Variants in NUP205 observed in about 807,000 individuals in gnomAD.
NUP205 encodes the protein nuclear pore complex protein Nup205.
In NUP205, 76 loss-of-function variants were observed where a neutral mutation model predicts 253.8. The ratio of observed to expected loss-of-function variants is 0.30; its 90% CI spans 0.25 to 0.36. NUP205 has a LOEUF of 0.36. NUP205 is among the 10% of genes least tolerant of loss of function. The probability of loss-of-function intolerance (pLI) is 1.00; values close to 1 mark genes in which losing one functional copy is unlikely to be tolerated. For missense variants in NUP205, 2,162 were observed against 2,425.5 expected (o/e 0.89, Z 2.28); for synonymous variants, 832 against 850.1 (o/e 0.98, Z 0.37).
At chr7:135,646,792 A>G (rs947431479) in intron 42 of NUP205, among the ~76,000 whole-genome samples, 1 of 152,214 alleles carries the variant, frequency 6.6e-6, no homozygotes, top group African/African-American at 2.4e-5. Flanking sequence ...AAGAAATAGG[A>G]GGATTCAACC....
At chr7:135,595,128 A>G (rs1291668660) in intron 13 of NUP205, among the ~76,000 whole-genome samples, 1 of 152,112 alleles carries the variant, frequency 6.6e-6, no homozygotes, top group African/African-American at 2.4e-5. Flanking sequence ...GCCCTATACC[A>G]GAAGAGTGAA....
At chr7:135,570,252 C>A (rs955470965) in intron 1 of NUP205, among the ~76,000 whole-genome samples, 3 of 151,492 alleles carry the variant, frequency 2.0e-5, no homozygotes, top group African/African-American at 7.3e-5. Context: ...TTGATCCTGT[C>A]GGCCAGGCTA....
intron 24 of NUP205, 32 bp downstream of exon 24, chr7:135,616,097 T>C (rs746602342): frequency 1.3e-6 from 2 of 1,589,172 alleles, no homozygotes; most frequent in South Asian, 2.3e-5. Flanking sequence ...ATTGTGCTGG[T>C]GACTAGTTGT....
chr7:135,619,286 G>T, intron 28 of NUP205, 137 bp from the exon 29 acceptor site: 1 of 875,524 alleles, frequency 1.1e-6, no homozygotes, highest in East Asian at 2.4e-5. Flanking sequence ...AGGCTGAAGT[G>T]AGCTGAGATT....
intron 41 of NUP205, 67 bp from the exon 42 acceptor site, chr7:135,646,091 A>G (rs2129492715): frequency 3.1e-6 from 3 of 956,438 alleles, no homozygotes; most frequent in South Asian, 2.6e-5. Flanking sequence ...CATTGTCATC[A>G]GGTTCCTCCA....
At chr7:135,616,195 TA>T (rs1264579652) in intron 24 of NUP205, 130 bp downstream of exon 24, 1 of 768,490 alleles carries the variant, frequency 1.3e-6, no homozygotes, top group East Asian at 2.9e-5. Context: ...TTTTTTTTCT[TA>T]AAACACAAAA....
In NUP205 at chr7:135,598,086, C is replaced by T; in HGVS notation, c.2153C>T (p.Ser718Leu). Residue 718 changes from serine to leucine, a missense_variant, in exon 15 of 43, where the codon TCA becomes TTA. By Grantham distance (145) the Ser-to-Leu change is moderately radical. This residue lies in a region of NUP205 where 892 missense variants were observed against 957.1 expected (regional missense o/e 0.93). Coordinates refer to ENST00000285968, the MANE Select transcript of NUP205 (RefSeq NM_015135.3). ...CQLISTLVES[S>L]FPSNLGAGLR... ...CTTATTAGTACTCTGGTGGAGAGCT[C>T]ATTTCCTTCTAATTTGGGTGCTGGA... is the stretch of plus-strand genomic sequence containing the variant. The T allele has an allele frequency of 6.2e-7, 1 of 1,614,078 alleles. No homozygotes were observed. The highest frequency in any genetic ancestry group is 8.5e-7 in the Non-Finnish European group (1 of 1,179,978).
intron 36 of NUP205, among the ~76,000 whole-genome samples, chr7:135,636,711 C>T (rs1050310646): frequency 6.6e-6 from 1 of 152,132 alleles, no homozygotes; most frequent in Non-Finnish European, 1.5e-5. Context: ...TTTGCCTTAT[C>T]GAAACTTACA....
chr7:135,570,588 C>T (rs949776830), intron 1 of NUP205, among the ~76,000 whole-genome samples: 2 of 146,004 alleles, frequency 1.4e-5, no homozygotes, highest in Non-Finnish European at 3.0e-5. Context: ...TTTTAATAAA[C>T]TATGCTTTTA....
intron 1 of NUP205, among the ~76,000 whole-genome samples, chr7:135,567,682 A>T (rs1292945140): frequency 2.0e-5 from 3 of 152,144 alleles, no homozygotes; most frequent in African/African-American, 7.2e-5. Flanking sequence ...ATTTAATTAC[A>T]TTACAGTTAT....
intron 10 of NUP205, 138 bp downstream of exon 10, chr7:135,588,130 T>A (rs1490762183): frequency 4.5e-5 from 27 of 593,524 alleles, no homozygotes; most frequent in Non-Finnish European, 6.3e-5. Flanking sequence ...TTACACTTTT[T>A]AAATTTTATT....
chr7:135,634,609 A>C (rs1794775018), intron 35 of NUP205, among the ~76,000 whole-genome samples: 1 of 152,212 alleles, frequency 6.6e-6, no homozygotes, highest in Non-Finnish European at 1.5e-5. Context: ...GAAAGACTTT[A>C]GCCTATTTTC....
intron 25 of NUP205, 130 bp downstream of exon 25, chr7:135,616,856 T>C (rs1329093661): frequency 6.1e-6 from 4 of 652,402 alleles, no homozygotes; most frequent in Non-Finnish European, 9.6e-6. Flanking sequence ...AAAGGATTAA[T>C]TGCCACCTGA....
At chr7:135,565,770 A>G (rs1421568570) in intron 1 of NUP205, among the ~76,000 whole-genome samples, 1 of 152,124 alleles carries the variant, frequency 6.6e-6, no homozygotes, top group Non-Finnish European at 1.5e-5. Flanking sequence ...CATCAACCAC[A>G]CTAGAACACC....
At chr7:135,570,261 T>C (rs1805919716) in intron 1 of NUP205, among the ~76,000 whole-genome samples, 1 of 152,022 alleles carries the variant, frequency 6.6e-6, no homozygotes, top group East Asian at 1.9e-4. Flanking sequence ...TCGGCCAGGC[T>C]AGAGTGCAGT....
chr7:135,643,134 G>GT, intron 38 of NUP205, 58 bp from the exon 39 acceptor site: 2 of 1,516,588 alleles, frequency 1.3e-6, no homozygotes, highest in Non-Finnish European at 1.8e-6. Flanking sequence ...CAGGTCATTT[G>GT]AAATTCATAT....
In NUP205 at chr7:135,579,216, T is replaced by C. The variant is rs1339929299; in HGVS notation, c.1042+301T>C. 2.0e-5 allele frequency among the ~76,000 whole-genome samples: 3 copies of C among 151,102 alleles called. No individual in the cohort carries two copies. In the East Asian group the frequency reaches 5.8e-4, roughly 29 times the overall value. ...ACATTAATTTTTTTTTTTTTTGAGATGGAGTTTTGCTCTTGTTGCCCAGGC... is the reference window on the plus strand; with the variant it reads ...ACATTAATTTTTTTTTTTTTTGAGACGGAGTTTTGCTCTTGTTGCCCAGGC... On this transcript the variant is annotated intron_variant, in intron 7 of 42. Transcript: ENST00000285968.
In NUP205 at chr7:135,600,896, G is replaced by A. The variant is rs1261171422; in HGVS notation, c.2301G>A (p.Glu767=). 2 of 1,610,742 alleles carry A rather than the reference G, an allele frequency of 1.2e-6. No individual in the cohort carries two copies. The highest frequency in any genetic ancestry group is 4.5e-5 in the East Asian group (2 of 44,720). ...GGGAAGTTGCTGAGGTGGTTTTGGA[G>A]GTGTTTTATAAATTGCTCAGAGATT... ...EKWEVAEVVL[E]VFYKLLRDYE... The change falls in exon 16 of 43, where the codon GAG becomes GAA. Residue 767 remains glutamate (E), a synonymous_variant. Coordinates refer to ENST00000285968, the MANE Select transcript of NUP205 (RefSeq NM_015135.3).
chr7:135,569,548 T>C lies in NUP205; in HGVS notation c.29-1557T>C, dbSNP rs146486857. 6.7e-3 allele frequency among the ~76,000 whole-genome samples: 1,018 copies of C among 151,880 alleles called. 14 individuals carry two copies. Among genetic ancestry groups the C allele is most frequent in the Non-Finnish European group, 5.9e-3 (403 of 67,972 alleles). ...CTTGGGCTTAAGTTCTGACATTATCTAGTGTGACCTCAGGTGGTGAATATT... is the reference window on the plus strand; with the variant it reads ...CTTGGGCTTAAGTTCTGACATTATCCAGTGTGACCTCAGGTGGTGAATATT... On this transcript the variant is annotated intron_variant, in intron 1 of 42. Transcript: ENST00000285968.
Sources: gnomAD v4.1 joint callset for allele counts (sites outside exome capture counted in the v4.1 genomes callset) on GRCh38, gnomAD v4.1.1 for gene constraint, gnomAD v4.1.1 regional missense constraint, MANE v1.5 for transcripts, NCBI Gene and HGNC (gene_info 2026-07-23, HGNC 2026-07-21) for gene names.